The following LYPD1 variants were observed in gnomAD, a reference collection of about 807,000 sequenced individuals.
The protein encoded by LYPD1 is LY6/PLAUR domain containing 1.
In LYPD1, 14 loss-of-function variants were observed where a neutral mutation model predicts 14.2. That is an observed-to-expected ratio of 0.99 (90% CI 0.65 to 1.54). LYPD1 has a LOEUF of 1.54. Among genes scored for constraint, LYPD1 ranks in the 40% most tolerant of loss-of-function variants. The probability of loss-of-function intolerance (pLI) is 0.00; values close to 1 mark genes in which losing one functional copy is unlikely to be tolerated. For synonymous variants in LYPD1, 85 were observed against 70.6 expected, an observed-to-expected ratio of 1.20 and a Z score of -1.02; for missense variants, 165 against 175.7, an observed-to-expected ratio of 0.94 and a Z score of 0.34.
intron 2 of LYPD1, among the ~76,000 whole-genome samples, chr2:132,647,470 G>A (rs979010784): frequency 7.9e-5 from 12 of 152,038 alleles, no homozygotes; most frequent in African/African-American, 2.7e-4. Context: ...TTGCTCTGTC[G>A]CCCAGGCGCC....
rs968946965 is a variant in LYPD1 at position 132,647,471 on chromosome 2, C to T, written c.191-1191G>A. Among the ~76,000 whole-genome samples, 6 of 152,094 alleles carry T rather than the reference C, an allele frequency of 3.9e-5. 1 individual carries two copies. The highest frequency in any genetic ancestry group is 1.4e-4 in the African/African-American group (6 of 41,426). ...TTTGAGACGGAGTCTTGCTCTGTCG[C>T]CCAGGCGCCCGCCACCACACCCGAC... On this transcript the variant is annotated intron_variant, in intron 2 of 2. Transcript: ENST00000397463.
chr2:132,658,853 C>G (rs1682756275), intron 2 of LYPD1, among the ~76,000 whole-genome samples: 1 of 152,150 alleles, frequency 6.6e-6, no homozygotes, highest in African/African-American at 2.4e-5. Flanking sequence ...GAGCTGATGA[C>G]CAAGGCTGAA....
intron 2 of LYPD1, among the ~76,000 whole-genome samples, chr2:132,650,234 G>T (rs1312876865): frequency 6.6e-6 from 1 of 152,128 alleles, no homozygotes; most frequent in Admixed American, 6.5e-5. Flanking sequence ...CATATCATAA[G>T]AAGAATGCAA....
At position 132,645,544 on chromosome 2, in the gene LYPD1, A is replaced by G. The variant is rs1682018784; in HGVS notation, c.*501T>C. ...ATTGAGTCTCGAGTCACTAGAGCCC[A>G]ACTCAGGCGCGAAACCAGCCAATTC... On this transcript the variant is annotated 3_prime_UTR_variant, in exon 3 of 3. Coordinates refer to ENST00000397463, the MANE Select transcript of LYPD1 (RefSeq NM_144586.7). 6.2e-7 allele frequency: 1 copy of G among 1,614,032 alleles called. No homozygotes were observed. Among genetic ancestry groups the G allele is most frequent in the Non-Finnish European group, 8.5e-7 (1 of 1,180,024 alleles).
chr2:132,661,939 C>T (rs1213866037), intron 2 of LYPD1, among the ~76,000 whole-genome samples: 5 of 86,166 alleles, frequency 5.8e-5, no homozygotes, highest in Admixed American at 4.7e-4. Context: ...GGCACCACAG[C>T]GGAAAAAAAA....
At chr2:132,649,786 A>G (rs1455460236) in intron 2 of LYPD1, among the ~76,000 whole-genome samples, 1 of 152,188 alleles carries the variant, frequency 6.6e-6, no homozygotes, top group African/African-American at 2.4e-5. Flanking sequence ...CACCATTCAC[A>G]TGCTTAGGAT....
chr2:132,648,198 A>ACAT (rs1349888891), intron 2 of LYPD1, among the ~76,000 whole-genome samples: 1 of 152,234 alleles, frequency 6.6e-6, no homozygotes, highest in Non-Finnish European at 1.5e-5. Flanking sequence ...AGTATGAAAA[A>ACAT]CATTAACTGG....
rs1160334957 is a variant in LYPD1, at chr2:132,658,793, G to A, written c.190+9607C>T. ...AACTTGCATCTTCTGTGTGGGTGAG[G>A]ACCAGGGGGCATAAAACCATGTGGG... On this transcript the variant is annotated intron_variant, in intron 2 of 2. Coordinates refer to ENST00000397463, the MANE Select transcript of LYPD1 (RefSeq NM_144586.7). Among the ~76,000 whole-genome samples, 10 of 152,240 alleles carry A rather than the reference G, an allele frequency of 6.6e-5. No individual in the cohort carries two copies. In the East Asian group the frequency reaches 1.9e-3, roughly 29 times the overall value.
chr2:132,662,067 C>G (rs1360008019), intron 2 of LYPD1, among the ~76,000 whole-genome samples: 1 of 152,036 alleles, frequency 6.6e-6, no homozygotes, highest in Non-Finnish European at 1.5e-5. Flanking sequence ...TCTTTGTGAA[C>G]CTTCTAAATT....
At chr2:132,655,039 C>CCCTTTTTAATTCTCTCTG (rs1371381903) in intron 2 of LYPD1, among the ~76,000 whole-genome samples, 21 of 152,102 alleles carry the variant, frequency 1.4e-4, no homozygotes, top group Non-Finnish European at 2.5e-4. Flanking sequence ...GCCTCTCTCT[C>CCCTTTTTAATTCTCTCTG]CCTTTTTAAT....
At chr2:132,651,184 CACGAGAAG>C (rs1682347827) in intron 2 of LYPD1, among the ~76,000 whole-genome samples, 1 of 152,126 alleles carries the variant, frequency 6.6e-6, no homozygotes, top group African/African-American at 2.4e-5. Flanking sequence ...AAATCAGAAC[CACGAGAAG>C]AATGATTTTT....
intron 2 of LYPD1, chr2:132,663,230 T>A (rs577497735): frequency 6.6e-6 from 1 of 152,348 alleles, no homozygotes; most frequent in South Asian, 2.1e-4. Context: ...TTTTAATATA[T>A]GAAGATATAT....
Position 132,644,913 on chromosome 2 carries a change from C to T in LYPD1, c.*1132G>A, listed in dbSNP as rs1681972067. 2 of 626,462 alleles carry T rather than the reference C, an allele frequency of 3.2e-6. No individual in the cohort carries two copies. Among genetic ancestry groups the T allele is most frequent in the Non-Finnish European group, 5.4e-6 (2 of 367,864 alleles). 38.8% of individuals were successfully genotyped at this position (626,462 alleles called of 1,614,324 possible). A position where few individuals can be genotyped will look rare whatever the true frequency, so the allele number is the denominator to read the frequency against. On this transcript the variant is annotated 3_prime_UTR_variant, in exon 3 of 3. Coordinates refer to ENST00000397463, the MANE Select transcript of LYPD1 (RefSeq NM_144586.7). The stretch of plus-strand genomic sequence containing the variant: ...ACAGCCAACTCCCCCGGGTTTGAAA[C>T]AGTGTTAAATTCTCTCTTGCTTGTG...
At chr2:132,657,007 G>C (rs13009363) in intron 2 of LYPD1, among the ~76,000 whole-genome samples, 1 of 152,162 alleles carries the variant, frequency 6.6e-6, no homozygotes, top group Non-Finnish European at 1.5e-5. Flanking sequence ...CAATGAAATA[G>C]ACATGAAACA....
At position 132,646,238 on chromosome 2, in the gene LYPD1, A is replaced by C; in HGVS notation, c.233T>G (p.Leu78Arg). The change falls in exon 3 of 3, where the codon CTC becomes CGC. Residue 78 changes from leucine to arginine, a missense_variant. Transcript: ENST00000397463. ...GGACTGGTACCCGGCAGAGGCGATG[A>C]GACAGGCCGCTGATGATGCACAGGA... ...RKSCASSAACLIASAGYQSFC... is the reference protein window; with the variant it reads ...RKSCASSAACRIASAGYQSFC... 6.3e-7 allele frequency: 1 copy of C among 1,584,824 alleles called. No homozygotes were observed. Among genetic ancestry groups the C allele is most frequent in the Non-Finnish European group, 8.6e-7 (1 of 1,163,022 alleles).
At chr2:132,649,212 A>T (rs1010609180) in intron 2 of LYPD1, among the ~76,000 whole-genome samples, 9 of 152,114 alleles carry the variant, frequency 5.9e-5, no homozygotes, top group African/African-American at 2.2e-4. Context: ...AAATGGGGAA[A>T]TTTGAGATTA....
rs74536684 is a variant in LYPD1, at chr2:132,669,330, G to A, written c.52+551C>T. On this transcript the variant is annotated intron_variant, in intron 1 of 2. Transcript: ENST00000397463. The surrounding 1 kb of genome is among the most constrained non-coding windows in gnomAD (Gnocchi z 4.3). The stretch of plus-strand genomic sequence containing the variant: ...GGAGCCAGTAGGCGAACTGGAGAGA[G>A]GACGCGAGACCTTTGCGCCTCTGGA... 0.013 allele frequency among the ~76,000 whole-genome samples: 2,028 copies of A among 152,202 alleles called. 16 individuals are homozygous for A. The highest frequency in any genetic ancestry group is 0.044 in the Middle Eastern group (13 of 294).
At chr2:132,653,383 A>C (rs1314123124) in intron 2 of LYPD1, among the ~76,000 whole-genome samples, 1 of 152,248 alleles carries the variant, frequency 6.6e-6, no homozygotes, top group East Asian at 1.9e-4. Flanking sequence ...AAATAATGAT[A>C]GTATTGGATT....
In LYPD1 at chr2:132,646,280, C is replaced by G; in HGVS notation, c.191G>C (p.Gly64Ala). The G allele has an allele frequency of 6.7e-7, 1 of 1,488,256 alleles. No homozygotes were observed. Among genetic ancestry groups the G allele is most frequent in the Non-Finnish European group, 9.0e-7 (1 of 1,112,398 alleles). 92.2% of individuals were successfully genotyped at this position (1,488,256 alleles called of 1,614,324 possible). The part of the protein sequence containing the change: ...CQKEVMEQSA[G>A]IMYRKSCASS... ...TGCACAGGACTTGCGGTACATGATCCCTGTAACACAGACCCAAAGGAGCTG... is the reference window on the plus strand; with the variant it reads ...TGCACAGGACTTGCGGTACATGATCGCTGTAACACAGACCCAAAGGAGCTG... The change falls in exon 3 of 3, where the codon GGG becomes GCG. Residue 64 changes from glycine (G) to alanine (A), a missense_variant and splice_region_variant. Transcript: ENST00000397463.
Sources: gnomAD v4.1 joint callset for allele counts (sites outside exome capture counted in the v4.1 genomes callset) on GRCh38, gnomAD v4.1.1 for gene constraint, Gnocchi (gnomAD v3.1) non-coding constraint, MANE v1.5 for transcripts, NCBI Gene and HGNC (gene_info 2026-07-23, HGNC 2026-07-21) for gene names.